The following FRMD1 variants were observed in gnomAD, a reference collection of about 807,000 sequenced individuals.
FRMD1 encodes FERM domain-containing protein 1.
A neutral mutation model predicts 54.9 loss-of-function variants in FRMD1; 51 were observed. The observed-to-expected ratio is 0.93, with a 90% CI of 0.74 to 1.17. The LOEUF (loss-of-function observed/expected upper bound fraction) is 1.17. Ranked by LOEUF, FRMD1 falls within the 50% of genes most tolerant of loss-of-function variation. The pLI is 0.00. For synonymous variants in FRMD1, 324 were observed against 306.4 expected (o/e 1.06, Z -0.60); for missense variants, 729 against 743.0 (o/e 0.98, Z 0.22).
intron 10 of FRMD1, chr6:168,057,616 CTT>C (rs1799481612): frequency 4.2e-6 from 2 of 474,062 alleles, no homozygotes; most frequent in Admixed American, 3.8e-5. Context: ...GACCTGGACT[CTT>C]AGCGTTTGGT....
intron 1 of FRMD1, among the ~76,000 whole-genome samples, chr6:168,078,654 C>CCT (rs1237636379): frequency 7.6e-6 from 1 of 131,012 alleles, no homozygotes; most frequent in Non-Finnish European, 1.7e-5. Flanking sequence ...CCACGGCCAC[C>CCT]CAGGGCCCTG....
rs969757844 is a variant in FRMD1, at chr6:168,069,029, T to G, written c.305-1583A>C. Among the ~76,000 whole-genome samples the G allele has an allele frequency of 3.9e-5, 6 of 152,350 alleles. No individual in the cohort carries two copies. In the East Asian group the frequency reaches 7.7e-4, roughly 20 times the overall value. ...TTTGTGTCAGGGAGGATCAAACACT[T>G]GGCTCATCGGTAACAACCACAGCAA... is the stretch of plus-strand genomic sequence containing the variant. On this transcript the variant is annotated intron_variant, in intron 2 of 10. Transcript: ENST00000283309.
upstream of FRMD1, among the ~76,000 whole-genome samples, chr6:168,079,793 C>T (rs931364227): frequency 6.6e-6 from 1 of 152,170 alleles, no homozygotes; most frequent in Non-Finnish European, 1.5e-5. Flanking sequence ...TCCTGGCTTG[C>T]GTGGACAGCA....
At chr6:168,088,259 C>T (rs1454702332) in intron 1 of FRMD1, among the ~76,000 whole-genome samples, 2 of 152,232 alleles carry the variant, frequency 1.3e-5, no homozygotes, top group African/African-American at 2.4e-5. Context: ...ACCACCCTCC[C>T]GCCGTCACCT....
At chr6:168,070,490 AG>A (rs992315173) in intron 2 of FRMD1, among the ~76,000 whole-genome samples, 1 of 152,140 alleles carries the variant, frequency 6.6e-6, no homozygotes, top group African/African-American at 2.4e-5. Flanking sequence ...GAGGACTAAC[AG>A]GGAAAGACTG....
chr6:168,059,612 G>A lies in FRMD1; in HGVS notation c.1343-424C>T, dbSNP rs930531632. ...CTGTAGGTGATGCTGGGCGGTCCTG[G>A]GTGACTGAGCCCTGGGGCTGGTCCC... is the stretch of plus-strand genomic sequence containing the variant. On this transcript the variant is annotated intron_variant, in intron 9 of 10. Transcript: ENST00000283309. This position sits in a 1 kb window ranked among gnomAD's most constrained non-coding sequence, Gnocchi z 4.4. 9.9e-5 allele frequency among the ~76,000 whole-genome samples: 15 copies of A among 152,126 alleles called. No individual in the cohort carries two copies. Among genetic ancestry groups the A allele is most frequent in the African/African-American group, 1.7e-4 (7 of 41,422 alleles).
chr6:168,074,451 G>GT (rs1172839941), intron 2 of FRMD1, among the ~76,000 whole-genome samples: 2 of 151,936 alleles, frequency 1.3e-5, no homozygotes, highest in African/African-American at 4.8e-5. Context: ...CGAGTGGTGT[G>GT]TAACTGTGTG....
At chr6:168,079,323 G>T, upstream of FRMD1, 2 of 768,782 alleles carry the variant, frequency 2.6e-6, no homozygotes, top group South Asian at 2.5e-5. Flanking sequence ...ACAACCTCAG[G>T]CTGGGCACCC....
upstream of FRMD1, chr6:168,081,619 G>T: frequency 8.6e-7 from 1 of 1,161,900 alleles, no homozygotes; most frequent in Non-Finnish European, 1.2e-6. Context: ...CAAAGCACAG[G>T]TTTTGGAAAA....
intron 3 of FRMD1, 111 bp from the exon 4 acceptor site, chr6:168,066,942 A>G: frequency 7.4e-7 from 1 of 1,358,914 alleles, no homozygotes. Flanking sequence ...CTTAAAGTCG[A>G]AGCTCAGGTG....
intron 2 of FRMD1, among the ~76,000 whole-genome samples, chr6:168,074,470 T>G (rs541489226): frequency 1.3e-5 from 2 of 150,674 alleles, no homozygotes; most frequent in South Asian, 4.2e-4. Flanking sequence ...TGCATGTGTG[T>G]GGTGCATGCA....
intron 1 of FRMD1, 28 bp from the exon 2 acceptor site, chr6:168,075,363 G>C: frequency 1.9e-6 from 3 of 1,591,748 alleles, no homozygotes; most frequent in Non-Finnish European, 2.6e-6. Context: ...AGGGGTTCAG[G>C]GAGGGGCCGG....
At chr6:168,088,829 G>A (rs569297717) in intron 1 of FRMD1, among the ~76,000 whole-genome samples, 42 of 41,428 alleles carry the variant, frequency 1.0e-3, no homozygotes, top group African/African-American at 2.3e-3. Flanking sequence ...AAACACATGC[G>A]CTACTAACCA....
chr6:168,079,114 C>T lies in FRMD1; in HGVS notation c.-20G>A. The T allele has an allele frequency of 4.4e-6, 7 of 1,574,470 alleles. No individual in the cohort carries two copies. The highest frequency in any genetic ancestry group is 2.3e-5 in the East Asian group (1 of 44,352). On this transcript the variant is annotated 5_prime_UTR_variant, in exon 1 of 11. Coordinates refer to ENST00000283309, the MANE Select transcript of FRMD1 (RefSeq NM_024919.6). ...CGCCATGCTGTCGTTACTCGGCCCT[C>T]CCCCGCCATGGGTCGCAGGTGGGTG...
chr6:168,072,091 C>T (rs1382568485), intron 2 of FRMD1, among the ~76,000 whole-genome samples: 1 of 152,244 alleles, frequency 6.6e-6, no homozygotes, highest in Non-Finnish European at 1.5e-5. Flanking sequence ...GACTTCATGA[C>T]CTGTCTGCAA....
chr6:168,084,145 C>A (rs1001276805), upstream of FRMD1, among the ~76,000 whole-genome samples: 2 of 152,080 alleles, frequency 1.3e-5, no homozygotes, highest in East Asian at 3.9e-4. Flanking sequence ...TGAAGGAGAA[C>A]CCCGTTTTCA....
intron 5 of FRMD1, among the ~76,000 whole-genome samples, chr6:168,064,596 G>C (rs887294881): frequency 4.6e-5 from 7 of 152,346 alleles, no homozygotes; most frequent in African/African-American, 1.7e-4. Flanking sequence ...TGAAGCCAGA[G>C]TGCAAGGCCA....
chr6:168,077,949 A>T (rs1328211757), intron 1 of FRMD1, among the ~76,000 whole-genome samples: 3 of 152,292 alleles, frequency 2.0e-5, no homozygotes, highest in African/African-American at 7.2e-5. Flanking sequence ...TTTGCCACAA[A>T]CATAGATGTG....
At position 168,061,095 on chromosome 6, in the gene FRMD1, G is replaced by C. The variant is rs567056141; in HGVS notation, c.1046-38C>G. 10 of 1,579,764 alleles carry C rather than the reference G, an allele frequency of 6.3e-6. No individual in the cohort carries two copies. The South Asian group carries it at 1.1e-4, about 18-fold the overall frequency. ...GGGAGCACAGTGAGGGCGAGCTGGA[G>C]AGGGACCAGCCCTGCTGATGCAGGA... is the stretch of plus-strand genomic sequence containing the variant. On this transcript the variant is annotated intron_variant, in intron 8 of 10. Transcript: ENST00000283309.
Sources: gnomAD v4.1 joint callset for allele counts (sites outside exome capture counted in the v4.1 genomes callset) on GRCh38, gnomAD v4.1.1 for gene constraint, Gnocchi (gnomAD v3.1) non-coding constraint, MANE v1.5 for transcripts, NCBI Gene and HGNC (gene_info 2026-07-23, HGNC 2026-07-21) for gene names.